HIVEP1: variants seen among roughly 807,000 people sequenced by gnomAD.
HIVEP1 encodes the protein HIVEP zinc finger 1, also known as zinc finger protein 40.
HIVEP1 carries 36 observed loss-of-function variants against 180.0 expected under a neutral mutation model. The ratio of observed to expected loss-of-function variants is 0.20; its 90% confidence interval spans 0.15 to 0.26. HIVEP1 has a LOEUF of 0.26. Ranked by LOEUF, HIVEP1 falls within the 10% of genes least tolerant of loss-of-function variation. The probability of loss-of-function intolerance (pLI) is 1.00; values close to 1 mark genes in which losing one functional copy is unlikely to be tolerated. For synonymous variants in HIVEP1, 1,239 were observed against 1,239.0 expected, an observed-to-expected ratio of 1.00 and a Z score of 0.00; for missense variants, 3,143 against 3,268.7, an observed-to-expected ratio of 0.96 and a Z score of 0.94.
At chr6:12,157,666 A>G (rs562745254) in intron 7 of HIVEP1, among the ~76,000 whole-genome samples, 1 of 152,260 alleles carries the variant, frequency 6.6e-6, no homozygotes, top group African/African-American at 2.4e-5. Flanking sequence ...TAGAGCAATT[A>G]AAAAATAAGA....
At chr6:12,184,475 G>T in the HIVEP1 span, among the ~76,000 whole-genome samples, 8 of 152,110 alleles carry the variant, frequency 5.3e-5, no homozygotes, top group Non-Finnish European at 1.0e-4. Flanking sequence ...GGTATATTTT[G>T]ATCTGTATTT....
the HIVEP1 span, among the ~76,000 whole-genome samples, chr6:12,209,125 G>A: frequency 2.7e-4 from 41 of 152,196 alleles, no homozygotes; most frequent in Admixed American, 1.3e-3. Flanking sequence ...GGTCTCCTCT[G>A]GCCACTTATT....
intron 2 of HIVEP1, chr6:12,037,755 C>T (rs751058782): frequency 2.3e-6 from 1 of 437,750 alleles, no homozygotes; most frequent in South Asian, 5.6e-5. Context: ...GGCTGGAGTG[C>T]AGTGGTGTAG....
upstream of HIVEP1, among the ~76,000 whole-genome samples, chr6:12,011,750 G>A (rs1279597039): frequency 2.7e-5 from 4 of 148,402 alleles, no homozygotes; most frequent in South Asian, 2.1e-4. Context: ...CGGGCCGGGC[G>A]CCCATCCAGT....
the HIVEP1 span, among the ~76,000 whole-genome samples, chr6:12,171,526 AG>A: frequency 6.6e-6 from 1 of 152,136 alleles, no homozygotes; most frequent in Non-Finnish European, 1.5e-5. Context: ...CCCCTGTGAG[AG>A]GGGCTGGAAA....
At chr6:12,157,540 C>G (rs1760130497) in intron 7 of HIVEP1, among the ~76,000 whole-genome samples, 1 of 152,186 alleles carries the variant, frequency 6.6e-6, no homozygotes, top group South Asian at 2.1e-4. Context: ...ATAGACTTTA[C>G]TGCAGTTTAT....
chr6:12,035,875 C>A (rs1185580755), intron 2 of HIVEP1, among the ~76,000 whole-genome samples: 1 of 152,118 alleles, frequency 6.6e-6, no homozygotes, highest in Non-Finnish European at 1.5e-5. Context: ...AAAATATAAA[C>A]TGCTTATTTC....
rs971010260 is a variant in HIVEP1, at chr6:12,121,100, C to T, written c.1305C>T (p.Pro435=). 3 of 1,614,200 alleles carry T rather than the reference C, an allele frequency of 1.9e-6. No homozygotes were observed. The highest frequency in any genetic ancestry group is 2.7e-5 in the African/African-American group (2 of 75,058). ...CCCACACTGGAGAGCGACCCTATCCCTGTGTGACTTGTGGATTTTCATTTA... is the reference window on the plus strand; with the variant it reads ...CCCACACTGGAGAGCGACCCTATCCTTGTGTGACTTGTGGATTTTCATTTA... ...IRSHTGERPY[P]CVTCGFSFKT... Residue 435 remains proline (P), a synonymous_variant, in exon 4 of 9, where the codon CCC becomes CCT. Transcript: ENST00000379388. The surrounding 1 kb of genome is among the most constrained non-coding windows in gnomAD (Gnocchi z 5.3).
intron 7 of HIVEP1, among the ~76,000 whole-genome samples, chr6:12,158,917 A>G (rs1015893330): frequency 6.6e-6 from 1 of 152,086 alleles, no homozygotes; most frequent in Non-Finnish European, 1.5e-5. Context: ...AACACAGCGG[A>G]CACTTCTTAC....
At chr6:12,176,282 G>A in the HIVEP1 span, among the ~76,000 whole-genome samples, 4 of 144,958 alleles carry the variant, frequency 2.8e-5, no homozygotes, top group Non-Finnish European at 4.5e-5. Flanking sequence ...CCCCCAGGCT[G>A]GAGTGTGATG....
At chr6:12,050,942 G>A (rs1455002308) in intron 2 of HIVEP1, among the ~76,000 whole-genome samples, 1 of 146,008 alleles carries the variant, frequency 6.8e-6, no homozygotes, top group African/African-American at 2.5e-5. Context: ...TGGGTTGGCC[G>A]TTGCTTCCAG....
At chr6:12,079,018 C>T (rs2113267978) in intron 2 of HIVEP1, among the ~76,000 whole-genome samples, 1 of 152,150 alleles carries the variant, frequency 6.6e-6, no homozygotes, top group East Asian at 1.9e-4. Context: ...TGTAGCCTCT[C>T]AGGGTGAGAA....
At chr6:12,045,065 T>C (rs559806915) in intron 2 of HIVEP1, among the ~76,000 whole-genome samples, 6 of 152,370 alleles carry the variant, frequency 3.9e-5, no homozygotes, top group African/African-American at 1.4e-4. Context: ...TTTAGAACAC[T>C]AGACTAATGA....
upstream of HIVEP1, among the ~76,000 whole-genome samples, chr6:12,011,775 A>G (rs1213543873): frequency 6.1e-5 from 9 of 147,948 alleles, no homozygotes; most frequent in Admixed American, 1.3e-4. Context: ...ACACCCGGTC[A>G]GAGCTGGCGG....
the HIVEP1 span, among the ~76,000 whole-genome samples, chr6:12,207,764 A>AATAATAATAATAATAATAATAATAATT: frequency 6.7e-6 from 1 of 149,656 alleles, no homozygotes; most frequent in South Asian, 2.1e-4. Context: ...TAATAATAAT[A>AATAATAATAATAATAATAATAATAATT]ATTAGCCAGG....
At chr6:12,030,871 C>A (rs1473642529) in intron 2 of HIVEP1, among the ~76,000 whole-genome samples, 3 of 152,178 alleles carry the variant, frequency 2.0e-5, no homozygotes, top group Admixed American at 2.0e-4. Flanking sequence ...GAATATTTTA[C>A]ATTTAAGATA....
the HIVEP1 span, among the ~76,000 whole-genome samples, chr6:12,200,503 C>T: frequency 2.6e-5 from 4 of 152,204 alleles, no homozygotes; most frequent in Non-Finnish European, 1.5e-5. Context: ...CCCTTGTGGC[C>T]TAAGCTCCAC....
intron 7 of HIVEP1, among the ~76,000 whole-genome samples, chr6:12,140,840 A>G (rs219943): frequency 0.068 from 10,382 of 152,266 alleles, 1,174 homozygotes; most frequent in African/African-American, 0.24. Context: ...AAAGAAACGA[A>G]CAAAGCCTCC....
At chr6:12,056,988 C>T (rs184708280) in intron 2 of HIVEP1, among the ~76,000 whole-genome samples, 198 of 152,160 alleles carry the variant, frequency 1.3e-3, no homozygotes, top group Non-Finnish European at 2.3e-3. Context: ...AGGTGTGCAG[C>T]ACCACACCTG....
Sources: allele counts gnomAD v4.1 joint callset (sites outside exome capture counted in the v4.1 genomes callset), GRCh38; gene constraint gnomAD v4.1.1; non-coding constraint Gnocchi (gnomAD v3.1); transcripts MANE v1.5; gene names NCBI Gene and HGNC (gene_info 2026-07-23, HGNC 2026-07-21).